Variants in DOCK1 observed in about 807,000 individuals in gnomAD.
DOCK1 encodes dedicator of cytokinesis protein 1.
In DOCK1, 138 loss-of-function variants were observed where a neutral mutation model predicts 262.7. The observed-to-expected ratio is 0.53, with a 90% CI of 0.46 to 0.61. DOCK1 has a LOEUF of 0.61. Among genes scored for constraint, DOCK1 ranks in the 20% least tolerant of loss-of-function variants. The probability of loss-of-function intolerance (pLI) is 0.00; values close to 1 mark genes in which losing one functional copy is unlikely to be tolerated. For synonymous variants in DOCK1, 866 were observed against 867.4 expected (o/e 1.00, Z 0.03); for missense variants, 1,908 against 2,370.7 (o/e 0.80, Z 4.05).
In DOCK1 at chr10:127,115,148, A is replaced by T. The variant is rs192513127; in HGVS notation, c.2623+4794A>T. ...TTCCATTTTTTGTCATTTTAAATGT[A>T]TGGTGGTAATACAGAGGGCAAACAG... is the stretch of plus-strand genomic sequence containing the variant. On this transcript the variant is annotated intron_variant, in intron 25 of 51. Coordinates refer to ENST00000623213, the MANE Select transcript of DOCK1 (RefSeq NM_001290223.2). Among the ~76,000 whole-genome samples the T allele has an allele frequency of 1.4e-4, 22 of 152,272 alleles. No homozygotes were observed. The East Asian group carries it at 3.1e-3, about 21-fold the overall frequency.
intron 11 of DOCK1, among the ~76,000 whole-genome samples, chr10:127,009,798 G>C (rs953109002): frequency 3.9e-5 from 6 of 152,088 alleles, no homozygotes; most frequent in Admixed American, 3.3e-4. Context: ...CCCTGTCCTT[G>C]GGGGCCCGGA....
intron 27 of DOCK1, among the ~76,000 whole-genome samples, chr10:127,148,908 G>A (rs1380672616): frequency 6.6e-6 from 1 of 152,174 alleles, no homozygotes; most frequent in Non-Finnish European, 1.5e-5. Context: ...AGGGATGTCT[G>A]TCATCTTAGA....
intron 27 of DOCK1, among the ~76,000 whole-genome samples, chr10:127,132,197 C>G (rs189116580): frequency 6.6e-6 from 1 of 152,286 alleles, no homozygotes; most frequent in South Asian, 2.1e-4. Flanking sequence ...TACAAAAACT[C>G]GACTTTGCAG....
chr10:127,020,579 A>C (rs908740269), intron 13 of DOCK1, among the ~76,000 whole-genome samples: 4 of 151,908 alleles, frequency 2.6e-5, no homozygotes, highest in African/African-American at 7.3e-5. Flanking sequence ...AAAAAAAAAA[A>C]AACTAAGTCT....
chr10:127,019,021 C>T, intron 13 of DOCK1, 186 bp downstream of exon 13: 1 of 896,024 alleles, frequency 1.1e-6, no homozygotes, highest in Non-Finnish European at 1.6e-6. Flanking sequence ...GAATATGCTC[C>T]CTGGCCCCCT....
intron 23 of DOCK1, among the ~76,000 whole-genome samples, chr10:127,095,661 C>CTGTGTGTGTGTGTGTGTGTGTGTGTGTG (rs61224822): frequency 6.8e-6 from 1 of 148,100 alleles, no homozygotes; most frequent in African/African-American, 2.5e-5. Context: ...GGCCAGGAAG[C>CTGTGTGTGTGTGTGTGTGTGTGTGTGTG]TGTGTGTGTG....
At chr10:127,076,272 T>A (rs557841844) in intron 23 of DOCK1, among the ~76,000 whole-genome samples, 2 of 152,044 alleles carry the variant, frequency 1.3e-5, no homozygotes, top group Non-Finnish European at 2.9e-5. Context: ...GAGGCCGAGG[T>A]GGGCGGATCA....
intron 27 of DOCK1, among the ~76,000 whole-genome samples, chr10:127,197,526 G>C (rs992545754): frequency 6.6e-6 from 1 of 152,182 alleles, no homozygotes; most frequent in Admixed American, 6.5e-5. Flanking sequence ...TTTGCTCCTA[G>C]AATGTAATGT....
intron 29 of DOCK1, among the ~76,000 whole-genome samples, chr10:127,299,172 C>T (rs991277712): frequency 2.6e-5 from 4 of 152,176 alleles, no homozygotes; most frequent in South Asian, 2.1e-4. Context: ...GATCTCAGCT[C>T]GCTGCAACCT....
intron 27 of DOCK1, among the ~76,000 whole-genome samples, chr10:127,241,133 G>A (rs1167204591): frequency 2.0e-5 from 3 of 152,114 alleles, no homozygotes; most frequent in Non-Finnish European, 4.4e-5. Flanking sequence ...GATCAGCCTG[G>A]CCAACCTGGC....
intron 25 of DOCK1, among the ~76,000 whole-genome samples, chr10:127,120,625 G>T (rs1428471731): frequency 1.3e-5 from 2 of 152,078 alleles, no homozygotes; most frequent in African/African-American, 2.4e-5. Context: ...TTTCATCATT[G>T]AATATAATTT....
intron 27 of DOCK1, among the ~76,000 whole-genome samples, chr10:127,157,076 A>T (rs1001104725): frequency 6.6e-6 from 1 of 152,232 alleles, no homozygotes; most frequent in African/African-American, 2.4e-5. Context: ...GAGTGGCAGA[A>T]GGGCAACATA....
intron 19 of DOCK1, 89 bp from the exon 20 acceptor site, chr10:127,042,536 T>C: frequency 8.5e-7 from 1 of 1,181,692 alleles, no homozygotes; most frequent in Non-Finnish European, 1.3e-6. Context: ...AAGTGGGTAT[T>C]TGGAGTACTG....
intron 27 of DOCK1, among the ~76,000 whole-genome samples, chr10:127,197,501 TC>T (rs2057256870): frequency 6.6e-6 from 1 of 152,182 alleles, no homozygotes. Flanking sequence ...AGTGCAGGGC[TC>T]CTGGCCCCCT....
chr10:127,138,321 T>C, intron 27 of DOCK1, among the ~76,000 whole-genome samples: 1 of 152,124 alleles, frequency 6.6e-6, no homozygotes, highest in Non-Finnish European at 1.5e-5. Context: ...AATAACCCCA[T>C]TGTTTGTCCA....
chr10:127,176,595 T>C lies in DOCK1; in HGVS notation c.2847+48831T>C, dbSNP rs2055184779. ...AGCACAGCTTGAAATGCTTCTCAGA[T>C]ATTAAAGCCTGCTTGCTTTTCCAGG... is the stretch of plus-strand genomic sequence containing the variant. On this transcript the variant is annotated intron_variant, in intron 27 of 51. Coordinates refer to ENST00000623213, the MANE Select transcript of DOCK1 (RefSeq NM_001290223.2). This position sits in a 1 kb window ranked among gnomAD's most constrained non-coding sequence, Gnocchi z 4.4. Among the ~76,000 whole-genome samples, 1 of 152,196 alleles carries C rather than the reference T, an allele frequency of 6.6e-6. No homozygotes were observed. Among genetic ancestry groups the C allele is most frequent in the African/African-American group, 2.4e-5 (1 of 41,454 alleles).
intron 13 of DOCK1, among the ~76,000 whole-genome samples, chr10:127,021,154 A>G (rs1449339087): frequency 6.6e-6 from 1 of 152,154 alleles, no homozygotes; most frequent in Non-Finnish European, 1.5e-5. Context: ...GCCCTGGAGT[A>G]ACGCACTTGA....
At chr10:127,184,392 A>G (rs2056028932) in intron 27 of DOCK1, among the ~76,000 whole-genome samples, 1 of 128,422 alleles carries the variant, frequency 7.8e-6, no homozygotes, top group Non-Finnish European at 1.5e-5. Context: ...TGCTTCTCCT[A>G]CTGATTTCTT....
intron 1 of DOCK1, among the ~76,000 whole-genome samples, chr10:126,920,963 G>A (rs762299448): frequency 1.1e-4 from 16 of 152,132 alleles, no homozygotes; most frequent in Non-Finnish European, 2.2e-4. Flanking sequence ...TTGGGAGGCC[G>A]AGGCGGGCAG....
Sources: allele counts gnomAD v4.1 joint callset (sites outside exome capture counted in the v4.1 genomes callset), GRCh38; gene constraint gnomAD v4.1.1; non-coding constraint Gnocchi (gnomAD v3.1); transcripts MANE v1.5; gene names NCBI Gene and HGNC (gene_info 2026-07-23, HGNC 2026-07-21).